The following TPR variants were observed in gnomAD, a reference collection of about 807,000 sequenced individuals.
The protein encoded by TPR is nucleoprotein TPR.
A neutral mutation model predicts 316.1 loss-of-function variants in TPR; 51 were observed. The observed-to-expected ratio is 0.16, with a 90% confidence interval of 0.13 to 0.20. TPR has a LOEUF of 0.20. TPR is among the 10% of genes least tolerant of loss of function. The pLI, the probability that TPR is intolerant of heterozygous loss-of-function variation, is 1.00. For synonymous variants in TPR, 981 were observed against 914.7 expected, an observed-to-expected ratio of 1.07 and a Z score of -1.31; for missense variants, 2,272 against 2,754.8, an observed-to-expected ratio of 0.82 and a Z score of 3.92.
chr1:186,368,368 T>C (rs1403096468), intron 3 of TPR, among the ~76,000 whole-genome samples: 3 of 152,158 alleles, frequency 2.0e-5, no homozygotes, highest in Non-Finnish European at 4.4e-5. Flanking sequence ...TCACAGCACT[T>C]TGGGAAATCA....
rs749737946 is a variant in TPR at position 186,361,612 on chromosome 1, A to G, written c.958+10T>C. 10 of 1,612,832 alleles carry G rather than the reference A, an allele frequency of 6.2e-6. No individual in the cohort carries two copies. The East Asian group carries it at 2.2e-4, about 36-fold the overall frequency. On this transcript the variant is annotated intron_variant, in intron 9 of 50. Transcript: ENST00000367478. Reference sequence around the variant, plus strand: ...ACAAAAATAATGTTCCCATAACTGAAAACACTTACCTTCACCAGCTTCTTT... The same window carrying G: ...ACAAAAATAATGTTCCCATAACTGAGAACACTTACCTTCACCAGCTTCTTT...
chr1:186,361,579 G>A, intron 9 of TPR, 43 bp downstream of exon 9: 1 of 1,541,772 alleles, frequency 6.5e-7, no homozygotes, highest in Non-Finnish European at 8.9e-7. Flanking sequence ...AAAAAAAAGA[G>A]TACAATAACA....
intron 9 of TPR, 53 bp from the exon 10 acceptor site, chr1:186,360,958 T>C: frequency 6.4e-7 from 1 of 1,568,574 alleles, no homozygotes; most frequent in Non-Finnish European, 8.6e-7. Flanking sequence ...AAAATTTTAG[T>C]TTACAAAATG....
rs771034809 is a variant in TPR, at chr1:186,337,200, A to G, written c.4363-44T>C. ...ATAATACACTCACATATTTATATTC[A>G]GTAATTCCATTTCTGCAAGTTTGTC... On this transcript the variant is annotated intron_variant, in intron 31 of 50. Transcript: ENST00000367478. 2.6e-6 allele frequency: 4 copies of G among 1,549,952 alleles called. No individual in the cohort carries two copies. In the Admixed American group the frequency reaches 7.5e-5, roughly 29 times the overall value.
chr1:186,361,402 C>A (rs940783221), intron 9 of TPR, among the ~76,000 whole-genome samples: 2 of 151,716 alleles, frequency 1.3e-5, no homozygotes, highest in African/African-American at 4.8e-5. Context: ...AGATAAAAAA[C>A]AAACAAAACC....
intron 21 of TPR, 53 bp downstream of exon 21, chr1:186,350,170 C>A (rs1250799389): frequency 4.8e-6 from 7 of 1,448,254 alleles, no homozygotes; most frequent in Admixed American, 2.3e-5. Flanking sequence ...ATATTATAAT[C>A]CCAAGAAGTA....
rs370833659 is a variant in TPR, at chr1:186,331,462, G to T, written c.5688+36C>A. The T allele has an allele frequency of 2.7e-6, 4 of 1,457,902 alleles. No homozygotes were observed. In the African/African-American group the frequency reaches 5.7e-5, roughly 21 times the overall value. 90.3% of individuals were successfully genotyped at this position (1,457,902 alleles called of 1,614,324 possible). A position where few individuals can be genotyped will look rare whatever the true frequency, so the allele number is the denominator to read the frequency against. On this transcript the variant is annotated intron_variant, in intron 39 of 50. Coordinates refer to ENST00000367478, the MANE Select transcript of TPR (RefSeq NM_003292.3). ...TCAAAGCTAATTTCATTCACGAAAA[G>T]CAACGGTGTGGTACTTTAGGTATGT... is the stretch of plus-strand genomic sequence containing the variant.
intron 27 of TPR, 68 bp from the exon 28 acceptor site, chr1:186,341,457 G>T (rs763187086): frequency 6.8e-7 from 1 of 1,475,520 alleles, no homozygotes; most frequent in Non-Finnish European, 9.1e-7. Flanking sequence ...GTTCCTATGA[G>T]CTCAAATCCT....
chr1:186,374,731 G>A, intron 1 of TPR, 147 bp downstream of exon 1: 8 of 798,690 alleles, frequency 1.0e-5, no homozygotes, highest in South Asian at 2.3e-5. Context: ...ACTGTAAGGA[G>A]CAGGAAAGCG....
At chr1:186,371,102 T>C in intron 2 of TPR, 59 bp from the exon 3 acceptor site, 1 of 1,323,740 alleles carries the variant, frequency 7.6e-7, no homozygotes, top group Non-Finnish European at 1.1e-6. Context: ...CAATGAGTGT[T>C]TTTATGCAAC....
Position 186,314,573 on chromosome 1 carries a change from T to A in TPR, c.7036+56A>T, listed in dbSNP as rs1657531223. The A allele has an allele frequency of 6.6e-6, 9 of 1,362,012 alleles. 1 individual carries two copies. In the South Asian group the frequency reaches 1.2e-4, roughly 18 times the overall value. The allele number at this position is 1,362,012 out of a possible 1,614,324, so 84.4% of individuals were successfully genotyped here. A position where few individuals can be genotyped will look rare whatever the true frequency, so the allele number is the denominator to read the frequency against. On this transcript the variant is annotated intron_variant, in intron 50 of 50. Transcript: ENST00000367478. ...GAGGCTTAAGGATTAGAAAACTTGT[T>A]CCATTTATTACTATTCCACATTCTA...
intron 4 of TPR, among the ~76,000 whole-genome samples, chr1:186,364,523 T>C (rs1037842981): frequency 6.6e-6 from 1 of 152,232 alleles, no homozygotes; most frequent in African/African-American, 2.4e-5. Flanking sequence ...AGGATTGCTA[T>C]CACATACCTA....
At chr1:186,347,143 G>C (rs1658706868) in intron 22 of TPR, 149 bp downstream of exon 22, 6 of 759,514 alleles carry the variant, frequency 7.9e-6, no homozygotes, top group Non-Finnish European at 1.2e-5. Flanking sequence ...GTTTTATCTG[G>C]CTTATGAGAC....
Position 186,356,309 on chromosome 1 carries a change from G to A in TPR, c.1865C>T (p.Thr622Ile). Residue 622 changes from threonine (T) to isoleucine (I), a missense_variant, in exon 15 of 51, where the codon ACA becomes ATA. Thr to Ile is a moderately conservative substitution (Grantham distance 89, BLOSUM62 -1). Around this residue, in one of 10 missense-constraint regions of TPR, gnomAD observed 757 missense variants for 859.8 expected, o/e 0.88. Coordinates refer to ENST00000367478, the MANE Select transcript of TPR (RefSeq NM_003292.3). ...DMYRILLSQT[T>I]GVAIPLHASS... The stretch of plus-strand genomic sequence containing the variant: ...ACCATGTAATGGAATGGCAACTCCT[G>A]TTGTTTGTGACAATAAAATACGGTA... 1.9e-6 allele frequency: 3 copies of A among 1,607,700 alleles called. No homozygotes were observed. The highest frequency in any genetic ancestry group is 2.6e-6 in the Non-Finnish European group (3 of 1,175,640).
chr1:186,352,991 T>C (rs995399457), intron 18 of TPR, among the ~76,000 whole-genome samples: 2 of 152,250 alleles, frequency 1.3e-5, no homozygotes, highest in African/African-American at 4.8e-5. Context: ...CAAATGGACA[T>C]TTATATTCAA....
At chr1:186,346,404 T>C in intron 22 of TPR, 117 bp from the exon 23 acceptor site, 3 of 1,069,952 alleles carry the variant, frequency 2.8e-6, no homozygotes, top group Non-Finnish European at 3.8e-6. Context: ...TGTTGTATAT[T>C]AAAAAAAGAA....
intron 48 of TPR, among the ~76,000 whole-genome samples, chr1:186,318,199 G>A (rs1009341538): frequency 4.6e-5 from 7 of 151,932 alleles, no homozygotes; most frequent in African/African-American, 1.7e-4. Context: ...CATGGTGGCG[G>A]GTGCCTGTAA....
rs1173373056 is a variant in TPR, at chr1:186,322,505, G to T, written c.6366+13C>A. The T allele has an allele frequency of 1.9e-6, 3 of 1,613,638 alleles. No individual in the cohort carries two copies. Among genetic ancestry groups the T allele is most frequent in the Middle Eastern group, 1.6e-4 (1 of 6,082 alleles). ...AGAAATGAATTACTTTTACATAATG[G>T]GTAAGTACTTACCATGCCACCTATT... On this transcript the variant is annotated intron_variant, in intron 44 of 50. Coordinates refer to ENST00000367478, the MANE Select transcript of TPR (RefSeq NM_003292.3).
In TPR at chr1:186,345,603, C is replaced by T. The variant is rs1571620635; in HGVS notation, c.3190G>A (p.Ala1064Thr). Residue 1064 changes from alanine to threonine, a missense_variant, in exon 24 of 51, where the codon GCC becomes ACC. Around this residue, in one of 10 missense-constraint regions of TPR, gnomAD observed 757 missense variants for 859.8 expected, o/e 0.88. Coordinates refer to ENST00000367478, the MANE Select transcript of TPR (RefSeq NM_003292.3). ...ACTTGTTCCTGACAGTCACGTCTGG[C>T]TTGCTGCTCATTACTTAAAGCTGTG... ...ASTALSNEQQ[A>T]RRDCQEQAKI... The T allele has an allele frequency of 4.3e-6, 7 of 1,613,456 alleles. No individual in the cohort carries two copies. The highest frequency in any genetic ancestry group is 5.9e-6 in the Non-Finnish European group (7 of 1,179,666).
Sources: gnomAD v4.1 joint callset for allele counts (sites outside exome capture counted in the v4.1 genomes callset) on GRCh38, gnomAD v4.1.1 for gene constraint, gnomAD v4.1.1 regional missense constraint, MANE v1.5 for transcripts, NCBI Gene and HGNC (gene_info 2026-07-23, HGNC 2026-07-21) for gene names.